DIPK2A: variants seen among roughly 807,000 people sequenced by gnomAD.
The protein encoded by DIPK2A is divergent protein kinase domain 2A, also known as Golgi Protein of 49 kDa.
In DIPK2A, 27 loss-of-function variants were observed where a neutral mutation model predicts 39.0. The observed-to-expected ratio is 0.69, with a 90% CI of 0.51 to 0.96. The LOEUF is 0.96. Ranked by LOEUF, DIPK2A falls within the 40% of genes least tolerant of loss-of-function variation. The probability of loss-of-function intolerance (pLI) is 0.00; values close to 1 mark genes in which losing one functional copy is unlikely to be tolerated. For synonymous variants in DIPK2A, 298 were observed against 240.8 expected, an observed-to-expected ratio of 1.24 and a Z score of -2.20; for missense variants, 528 against 571.3, an observed-to-expected ratio of 0.92 and a Z score of 0.77.
chr3:143,986,617 G>C (rs1229419954), intron 2 of DIPK2A, among the ~76,000 whole-genome samples: 1 of 151,570 alleles, frequency 6.6e-6, no homozygotes, highest in African/African-American at 2.4e-5. Flanking sequence ...CTAGCTACTC[G>C]GGAGGCTGAG....
intron 1 of DIPK2A, chr3:143,978,580 G>T (rs1049524147): frequency 5.4e-5 from 7 of 129,356 alleles, no homozygotes; most frequent in African/African-American, 1.1e-4. Context: ...TGTACAAAAG[G>T]TATCTATATC....
At chr3:143,988,794 C>T (rs1298314210) in intron 2 of DIPK2A, among the ~76,000 whole-genome samples, 1 of 152,084 alleles carries the variant, frequency 6.6e-6, no homozygotes, top group African/African-American at 2.4e-5. Flanking sequence ...CCAATTAGAA[C>T]CTTAAACTTT....
intron 1 of DIPK2A, among the ~76,000 whole-genome samples, chr3:143,981,021 A>T (rs2087821284): frequency 6.6e-6 from 1 of 152,202 alleles, no homozygotes; most frequent in African/African-American, 2.4e-5. Context: ...TAAGTAAATA[A>T]ACAATACCAA....
chr3:143,991,347 T>A lies in DIPK2A; in HGVS notation c.*1506T>A, dbSNP rs2087985205. The A allele has an allele frequency of 6.6e-6, 1 of 152,654 alleles. No individual in the cohort carries two copies. The highest frequency in any genetic ancestry group is 1.5e-5 in the Non-Finnish European group (1 of 68,012). The allele number at this position is 152,654 out of a possible 1,614,324, so 9.5% of individuals were successfully genotyped here. On this transcript the variant is annotated 3_prime_UTR_variant, in exon 3 of 3. Transcript: ENST00000315691. ...ACTCTGTGCCAGGCACGTTACTAGC[T>A]GCTACATACTGTCTGAACATGACAT...
chr3:143,991,592 A>G lies in DIPK2A; in HGVS notation c.*1751A>G, dbSNP rs569924970. Reference sequence around the variant, plus strand: ...TGGAAGGAAAAGGTAAGAGCTCTCCATTATAAAATAGTTGCATTCGGTTAA... The same window carrying G: ...TGGAAGGAAAAGGTAAGAGCTCTCCGTTATAAAATAGTTGCATTCGGTTAA... On this transcript the variant is annotated 3_prime_UTR_variant, in exon 3 of 3. Coordinates refer to ENST00000315691, the MANE Select transcript of DIPK2A (RefSeq NM_173552.5). The G allele has an allele frequency of 3.9e-5, 6 of 152,768 alleles. No individual in the cohort carries two copies. Among genetic ancestry groups the G allele is most frequent in the African/African-American group, 1.4e-4 (6 of 41,598 alleles). 9.5% of individuals were successfully genotyped at this position (152,768 alleles called of 1,614,324 possible).
chr3:143,990,992 A>G lies in DIPK2A; in HGVS notation c.*1151A>G, dbSNP rs576491317. 6.6e-6 allele frequency: 1 copy of G among 152,428 alleles called. No individual in the cohort carries two copies. The highest frequency in any genetic ancestry group is 2.1e-4 in the South Asian group (1 of 4,834). The allele number at this position is 152,428 out of a possible 1,614,324, so 9.4% of individuals were successfully genotyped here. The stretch of plus-strand genomic sequence containing the variant: ...ATTTAATCGGGCATCATAACTTTTC[A>G]TTTATTGAGGAACTAATCATTATTA... On this transcript the variant is annotated 3_prime_UTR_variant, in exon 3 of 3. Transcript: ENST00000315691.
rs2087964894 is a variant in DIPK2A at position 143,990,364 on chromosome 3, G to C, written c.*523G>C. On this transcript the variant is annotated 3_prime_UTR_variant, in exon 3 of 3. Coordinates refer to ENST00000315691, the MANE Select transcript of DIPK2A (RefSeq NM_173552.5). Reference sequence around the variant, plus strand: ...TAGGTGTTCATTTAAATTTTTAATAGTTGTCATTCAGTGCTATTTGGTACA... The same window carrying C: ...TAGGTGTTCATTTAAATTTTTAATACTTGTCATTCAGTGCTATTTGGTACA... 7.0e-6 allele frequency: 1 copy of C among 143,408 alleles called. No homozygotes were observed. Among genetic ancestry groups the C allele is most frequent in the African/African-American group, 2.6e-5 (1 of 38,624 alleles). 8.9% of individuals were successfully genotyped at this position (143,408 alleles called of 1,614,324 possible).
chr3:143,977,612 T>TC (rs1410808804), intron 1 of DIPK2A, among the ~76,000 whole-genome samples: 1 of 152,102 alleles, frequency 6.6e-6, no homozygotes, highest in African/African-American at 2.4e-5. Context: ...CACCTACTTC[T>TC]CCTTTACTGG....
chr3:143,973,308 C>G (rs1003371069), intron 1 of DIPK2A: 131 of 1,531,622 alleles, frequency 8.6e-5, no homozygotes, highest in Non-Finnish European at 1.1e-4. Flanking sequence ...TCCTTCCGCT[C>G]TCTACCCTGC....
chr3:143,988,642 C>T (rs1258709081), intron 2 of DIPK2A, among the ~76,000 whole-genome samples: 1 of 152,168 alleles, frequency 6.6e-6, no homozygotes, highest in African/African-American at 2.4e-5. Flanking sequence ...TAATATCCCT[C>T]TTACCTCAAA....
rs1266484569 is a variant in DIPK2A at position 143,990,653 on chromosome 3, T to C, written c.*812T>C. ...TTTAAGAAGAATATACTAGAATCTA[T>C]ATATTGATGTTAATTTTGATTCAGA... is the stretch of plus-strand genomic sequence containing the variant. On this transcript the variant is annotated 3_prime_UTR_variant, in exon 3 of 3. Transcript: ENST00000315691. 1.3e-5 allele frequency: 2 copies of C among 152,558 alleles called. No homozygotes were observed. The highest frequency in any genetic ancestry group is 2.9e-5 in the Non-Finnish European group (2 of 67,994). 9.5% of individuals were successfully genotyped at this position (152,558 alleles called of 1,614,324 possible).
chr3:143,978,900 T>A (rs2087788914), intron 1 of DIPK2A, among the ~76,000 whole-genome samples: 1 of 151,792 alleles, frequency 6.6e-6, no homozygotes, highest in Non-Finnish European at 1.5e-5. Context: ...ACTTAATGTT[T>A]CCGATTCTAA....
At chr3:143,989,416 C>A in intron 2 of DIPK2A, 94 bp from the exon 3 acceptor site, 2 of 725,974 alleles carry the variant, frequency 2.8e-6, no homozygotes, top group Non-Finnish European at 2.2e-6. Flanking sequence ...AAGTGTAGAA[C>A]AAATACTATT....
rs1353399339 is a variant in DIPK2A at position 143,991,129 on chromosome 3, A to G, written c.*1288A>G. On this transcript the variant is annotated 3_prime_UTR_variant, in exon 3 of 3. Transcript: ENST00000315691. ...GCATAGAAATGTGTGGGCTCTTTATATAAGTTGACTATCACTAACAGGTAA... is the reference window on the plus strand; with the variant it reads ...GCATAGAAATGTGTGGGCTCTTTATGTAAGTTGACTATCACTAACAGGTAA... 6.6e-6 allele frequency: 1 copy of G among 152,662 alleles called. No individual in the cohort carries two copies. Among genetic ancestry groups the G allele is most frequent in the Non-Finnish European group, 1.5e-5 (1 of 68,022 alleles). The allele number at this position is 152,662 out of a possible 1,614,324, so 9.5% of individuals were successfully genotyped here.
intron 2 of DIPK2A, among the ~76,000 whole-genome samples, chr3:143,988,208 C>T (rs2087932723): frequency 6.6e-6 from 1 of 151,954 alleles, no homozygotes; most frequent in South Asian, 2.1e-4. Context: ...AAGTGATCTT[C>T]CTGCCTCAGC....
chr3:143,990,264 C>T lies in DIPK2A; in HGVS notation c.*423C>T, dbSNP rs191951426. 3.4e-4 allele frequency: 52 copies of T among 152,242 alleles called. No homozygotes were observed. Among genetic ancestry groups the T allele is most frequent in the East Asian group, 1.9e-4 (1 of 5,174 alleles). The allele number at this position is 152,242 out of a possible 1,614,324, so 9.4% of individuals were successfully genotyped here. On this transcript the variant is annotated 3_prime_UTR_variant, in exon 3 of 3. Transcript: ENST00000315691. ...AGTCAGATTGGTCTGTTTTATAGGC[C>T]GCTTTTTCCTTCTGATGTGTAGGGT...
chr3:143,978,640 CTATATATATA>C (rs35495369), intron 1 of DIPK2A: 19 of 117,042 alleles, frequency 1.6e-4, no homozygotes, highest in African/African-American at 5.2e-4. Flanking sequence ...ATATATATAT[CTATATATATA>C]TATATATATC....
chr3:143,978,616 C>CTATATATAGATATATCTATA (rs59804208), intron 1 of DIPK2A: 1 of 126,124 alleles, frequency 7.9e-6, no homozygotes. Flanking sequence ...ATATATATAT[C>CTATATATAGATATATCTATA]TATATCTATA....
intron 1 of DIPK2A, among the ~76,000 whole-genome samples, chr3:143,983,702 A>G (rs149066030): frequency 1.3e-5 from 2 of 152,362 alleles, no homozygotes; most frequent in East Asian, 3.9e-4. Context: ...AGAAATAACT[A>G]AAATCAGAGC....
Sources: gnomAD v4.1 joint callset for allele counts (sites outside exome capture counted in the v4.1 genomes callset) on GRCh38, gnomAD v4.1.1 for gene constraint, MANE v1.5 for transcripts, NCBI Gene and HGNC (gene_info 2026-07-23, HGNC 2026-07-21) for gene names.